Variants in DMD observed in about 807,000 individuals in gnomAD.
The protein encoded by DMD is mutant dystrophin.
Under a neutral mutation model 330.1 loss-of-function variants are expected in DMD, and 63 were observed. The ratio of observed to expected loss-of-function variants is 0.19; its 90% confidence interval spans 0.16 to 0.24. DMD has a LOEUF of 0.24. Among genes scored for constraint, DMD ranks in the 10% least tolerant of loss-of-function variants. DMD has a pLI of 1.00. For synonymous variants in DMD, 1,223 were observed against 959.8 expected (o/e 1.27, Z -5.07); for missense variants, 3,344 against 2,684.1 (o/e 1.25, Z -5.43).
chrX:32,859,463 A>ACTCT, intron 2 of DMD, among the ~76,000 whole-genome samples: 1 of 14,259 alleles, frequency 7.0e-5, no homozygotes, highest in South Asian at 3.3e-3. Flanking sequence ...GCAAGATCTC[A>ACTCT]CACACACACA....
At chrX:32,883,549 G>A (rs2084168125) in intron 2 of DMD, among the ~76,000 whole-genome samples, 1 of 110,676 alleles carries the variant, frequency 9.0e-6, no homozygotes, top group African/African-American at 3.3e-5. Flanking sequence ...CCATGGCCAG[G>A]CGCGGTGGCT....
chrX:31,279,267 A>G (rs2052434096), intron 62 of DMD, among the ~76,000 whole-genome samples: 1 of 112,775 alleles, frequency 8.9e-6, no homozygotes, highest in South Asian at 3.7e-4. Flanking sequence ...CTCACAAAGC[A>G]TGAATTTTAA....
Position 32,287,640 on chromosome X carries a change from G to A in DMD, c.6179C>T (p.Thr2060Ile), listed in dbSNP as rs794729000. The change falls in exon 43 of 79, where the codon ACA (threonine) becomes ATA (isoleucine). Residue 2060 changes from threonine (T) to isoleucine (I), a missense_variant. Coordinates refer to ENST00000357033, the MANE Select transcript of DMD (RefSeq NM_004006.3). Reference sequence around the variant, plus strand: ...AGGCGTTGCACTTTGCAATGCTGCTGTCTTCTTGCTATGAATAATGTCAAT... The same window carrying A: ...AGGCGTTGCACTTTGCAATGCTGCTATCTTCTTGCTATGAATAATGTCAAT... The part of the protein sequence containing the change: ...GRIDIIHSKK[T>I]AALQSATPVE... 2 of 1,209,924 alleles carry A rather than the reference G, an allele frequency of 1.7e-6. No homozygotes were observed. The highest frequency in any genetic ancestry group is 2.2e-6 in the Non-Finnish European group (2 of 894,194).
At chrX:32,732,983 T>A (rs1439887218) in intron 7 of DMD, among the ~76,000 whole-genome samples, 1 of 109,972 alleles carries the variant, frequency 9.1e-6, no homozygotes, top group Non-Finnish European at 1.9e-5. Flanking sequence ...GGATAAAGAG[T>A]CAAGACCCAT....
intron 16 of DMD, among the ~76,000 whole-genome samples, chrX:32,556,985 G>A (rs985023215): frequency 9.0e-6 from 1 of 111,651 alleles, no homozygotes; most frequent in East Asian, 2.8e-4. Flanking sequence ...CTTTCTGCAT[G>A]ATCCAGGCAT....
intron 1 of DMD, among the ~76,000 whole-genome samples, chrX:33,080,007 G>T (rs181153904): frequency 3.3e-4 from 37 of 112,059 alleles, no homozygotes; most frequent in African/African-American, 9.7e-4. Context: ...TTTCATGTTC[G>T]CATTAGTGCA....
In DMD at chrX:31,142,880, A is replaced by G. The variant is rs188385948; in HGVS notation, c.10921+3411T>C. 3.6e-3 allele frequency among the ~76,000 whole-genome samples: 406 copies of G among 112,433 alleles called. 3 individuals carry two copies. Among genetic ancestry groups the G allele is most frequent in the African/African-American group, 0.012 (380 of 30,987 alleles). ...GAATACAAATGGTACATAGAGACTC[A>G]GTGATAAGTATTTCATGGCTTGAGG... On this transcript the variant is annotated intron_variant, in intron 76 of 78. Coordinates refer to ENST00000357033, the MANE Select transcript of DMD (RefSeq NM_004006.3).
At chrX:33,218,429 C>G (rs190599703) in intron 1 of DMD, among the ~76,000 whole-genome samples, 2 of 111,550 alleles carry the variant, frequency 1.8e-5, no homozygotes, top group Admixed American at 1.9e-4. Flanking sequence ...AAATGTCATA[C>G]TTCTTCCTTC....
In DMD at chrX:33,248,208, A is replaced by AT. The variant is rs1373432795; in HGVS notation, c.7+91050dup. Among the ~76,000 whole-genome samples the AT allele has an allele frequency of 4.6e-5, 5 of 109,611 alleles. No homozygotes were observed. In the East Asian group the frequency reaches 1.4e-3, roughly 32 times the overall value. Reference sequence around the variant, plus strand: ...AGGCACCCGCCACCACGCCTGACTAATTTTTTGTATTTTTAGTATAGACGT... The same window carrying AT: ...AGGCACCCGCCACCACGCCTGACTAATTTTTTTGTATTTTTAGTATAGACGT... On this transcript the variant is annotated intron_variant, in intron 1 of 17. Coordinates refer to the DMD transcript ENST00000288447.
rs1057515855 is a variant in DMD, at chrX:31,119,884, G to GAATT, written c.*2031_*2034dup. On this transcript the variant is annotated 3_prime_UTR_variant, in exon 79 of 79. Transcript: ENST00000357033. ...TTGAAAATTATGAAGGAAAAAGAAAGAATTATAAAGGAAAAAGAAAATAAC... is the reference window on the plus strand; with the variant it reads ...TTGAAAATTATGAAGGAAAAAGAAAGAATTAATTATAAAGGAAAAAGAAAATAAC... 2.7e-4 allele frequency: 30 copies of GAATT among 111,729 alleles called. No individual in the cohort carries two copies. Among genetic ancestry groups the GAATT allele is most frequent in the African/African-American group, 3.6e-4 (11 of 30,567 alleles). The allele number at this position is 111,729 out of a possible 1,213,427, so 9.2% of individuals were successfully genotyped here.
intron 2 of DMD, among the ~76,000 whole-genome samples, chrX:33,010,130 ATGTATATATACG>A (rs1157967800): frequency 2.0e-5 from 2 of 101,490 alleles, no homozygotes; most frequent in African/African-American, 3.6e-5. Flanking sequence ...GTGTGTATAT[ATGTATATATACG>A]TGTATATATA....
chrX:33,264,619 G>C, intron 1 of DMD, among the ~76,000 whole-genome samples: 2 of 110,797 alleles, frequency 1.8e-5, no homozygotes, highest in East Asian at 2.8e-4. Context: ...AGTTGGATCA[G>C]AATTGAAACT....
intron 63 of DMD, among the ~76,000 whole-genome samples, chrX:31,246,091 C>A (rs182886774): frequency 1.8e-5 from 2 of 112,083 alleles, no homozygotes; most frequent in East Asian, 5.6e-4. Context: ...TACTACCCTG[C>A]GAGCACACAA....
intron 29 of DMD, among the ~76,000 whole-genome samples, chrX:32,435,266 A>T (rs1001321937): frequency 2.6e-5 from 2 of 78,363 alleles, no homozygotes; most frequent in Non-Finnish European, 4.6e-5. Flanking sequence ...ATATTTTAAT[A>T]TATACTTACA....
At chrX:32,501,721 TA>T in intron 19 of DMD, 33 bp downstream of exon 19, 1 of 1,073,724 alleles carries the variant, frequency 9.3e-7, no homozygotes. Context: ...ATCAAATCCC[TA>T]AGAAGATTAT....
At chrX:32,228,116 T>C (rs142861418) in intron 43 of DMD, among the ~76,000 whole-genome samples, 1,760 of 111,774 alleles carry the variant, frequency 0.016, 37 homozygotes, top group African/African-American at 0.053. Context: ...ATCCTTGAGA[T>C]AAATTGATAA....
chrX:31,371,549 T>C (rs938564810), intron 60 of DMD, among the ~76,000 whole-genome samples: 3 of 110,723 alleles, frequency 2.7e-5, no homozygotes, highest in African/African-American at 9.9e-5. Context: ...ATGAGTAGTG[T>C]CCGGTGAAAG....
At chrX:31,842,251 G>A (rs977083264) in intron 48 of DMD, among the ~76,000 whole-genome samples, 7 of 111,827 alleles carry the variant, frequency 6.3e-5, no homozygotes, top group Non-Finnish European at 1.1e-4. Context: ...CTGAATGGCC[G>A]TCATCTCATA....
At chrX:32,573,122 A>G (rs971867592) in intron 15 of DMD, among the ~76,000 whole-genome samples, 2 of 111,292 alleles carry the variant, frequency 1.8e-5, no homozygotes, top group African/African-American at 6.5e-5. Flanking sequence ...GTACCCCTTT[A>G]TAATAAACTA....
Sources: gnomAD v4.1 joint callset for allele counts (sites outside exome capture counted in the v4.1 genomes callset) on GRCh38, gnomAD v4.1.1 for gene constraint, MANE v1.5 for transcripts, NCBI Gene and HGNC (gene_info 2026-07-23, HGNC 2026-07-21) for gene names.